Variants in ATP11C observed in about 807,000 individuals in gnomAD.
The protein encoded by ATP11C is phospholipid-transporting ATPase IG.
ATP11C carries 36 observed loss-of-function variants against 97.4 expected under a neutral mutation model. The observed-to-expected ratio is 0.37, with a 90% confidence interval of 0.28 to 0.49. ATP11C has a LOEUF of 0.49. ATP11C is among the 20% of genes least tolerant of loss of function. The pLI is 0.98. For synonymous variants in ATP11C, 275 were observed against 290.9 expected (o/e 0.95, Z 0.56); for missense variants, 730 against 824.6 (o/e 0.89, Z 1.40).
At chrX:139,743,812 C>T (rs1603339031) in intron 25 of ATP11C, among the ~76,000 whole-genome samples, 188 bp from the exon 26 acceptor site, 1 of 111,588 alleles carries the variant, frequency 9.0e-6, no homozygotes, top group East Asian at 2.8e-4. Context: ...ATCCAATTTT[C>T]ACAAAAAGGT....
At chrX:139,907,066 A>G (rs1449823070) in intron 1 of ATP11C, among the ~76,000 whole-genome samples, 2 of 110,751 alleles carry the variant, frequency 1.8e-5, no homozygotes, top group East Asian at 2.9e-4. Context: ...AAAAACTGCA[A>G]CCCTCACCCC....
chrX:139,907,985 G>A (rs1296340308), intron 1 of ATP11C, among the ~76,000 whole-genome samples: 1 of 111,087 alleles, frequency 9.0e-6, no homozygotes, highest in Non-Finnish European at 1.9e-5. Flanking sequence ...TGTCTGGCAT[G>A]TGATAGGATA....
intron 1 of ATP11C, among the ~76,000 whole-genome samples, chrX:139,857,583 T>G (rs2084113276): frequency 9.0e-6 from 1 of 110,720 alleles, no homozygotes; most frequent in Non-Finnish European, 1.9e-5. Context: ...TCTCTTTAAA[T>G]TAGCCAATCG....
chrX:139,896,241 A>C (rs1186315430), intron 1 of ATP11C, among the ~76,000 whole-genome samples: 4 of 110,867 alleles, frequency 3.6e-5, no homozygotes, highest in Non-Finnish European at 7.5e-5. Context: ...TGGATATATG[A>C]TGAGAATGGC....
chrX:139,933,150 AG>A (rs1245893052), upstream of ATP11C: 3 of 101,710 alleles, frequency 2.9e-5, no homozygotes, highest in Admixed American at 1.0e-4. Flanking sequence ...CTCCCGGGGC[AG>A]CCTGGGAGTT....
At chrX:139,784,943 C>T (rs1356970565) in intron 16 of ATP11C, among the ~76,000 whole-genome samples, 1 of 111,732 alleles carries the variant, frequency 8.9e-6, no homozygotes, top group African/African-American at 3.3e-5. Flanking sequence ...ATATAAAAGT[C>T]ATCCTTTCAG....
intron 28 of ATP11C, among the ~76,000 whole-genome samples, chrX:139,734,675 A>G (rs1189859302): frequency 9.0e-6 from 1 of 111,547 alleles, no homozygotes; most frequent in Admixed American, 9.5e-5. Flanking sequence ...TTCACTGTTC[A>G]GTGCTCAATG....
At chrX:139,846,101 G>C (rs2083904163) in intron 1 of ATP11C, among the ~76,000 whole-genome samples, 1 of 112,034 alleles carries the variant, frequency 8.9e-6, no homozygotes, top group South Asian at 3.7e-4. Flanking sequence ...GCCATGCAAT[G>C]CTTGACCTTG....
At chrX:139,928,871 G>A (rs934577268) in intron 1 of ATP11C, among the ~76,000 whole-genome samples, 6 of 111,871 alleles carry the variant, frequency 5.4e-5, no homozygotes, top group African/African-American at 1.9e-4. Flanking sequence ...TCTTGACCAA[G>A]CCCCCAACCT....
At chrX:139,896,613 GAA>G (rs1689987236) in intron 1 of ATP11C, among the ~76,000 whole-genome samples, 1 of 95,711 alleles carries the variant, frequency 1.0e-5, no homozygotes, top group Non-Finnish European at 2.0e-5. Flanking sequence ...CCTTTCTTGA[GAA>G]AGAGTCTCTC....
At chrX:139,854,321 G>T (rs2084054064) in intron 1 of ATP11C, among the ~76,000 whole-genome samples, 1 of 112,328 alleles carries the variant, frequency 8.9e-6, no homozygotes, top group Non-Finnish European at 1.9e-5. Context: ...CAAAAGTAAA[G>T]TTTGCTAAAA....
At chrX:139,855,614 T>G (rs149303430) in intron 1 of ATP11C, among the ~76,000 whole-genome samples, 1 of 112,218 alleles carries the variant, frequency 8.9e-6, no homozygotes, top group South Asian at 3.7e-4. Context: ...CTTTCATCTA[T>G]CTATTACTCT....
At chrX:139,898,433 G>C (rs943584935) in intron 1 of ATP11C, among the ~76,000 whole-genome samples, 3 of 111,530 alleles carry the variant, frequency 2.7e-5, no homozygotes, top group Non-Finnish European at 5.6e-5. Flanking sequence ...TTCTTACCAA[G>C]CAAAGAAATC....
Position 139,826,833 on chromosome X carries a change from A to T in ATP11C, c.28-10T>A, listed in dbSNP as rs1569474181. ...TCTCTTCTCCAGCACACTGACCAAGAGAAAAGGGAAAAAATTCAGTTTTTC... is the reference window on the plus strand; with the variant it reads ...TCTCTTCTCCAGCACACTGACCAAGTGAAAAGGGAAAAAATTCAGTTTTTC... On this transcript the variant is annotated splice_polypyrimidine_tract_variant and intron_variant, in intron 1 of 29. Coordinates refer to ENST00000682941, the MANE Select transcript of ATP11C (RefSeq NM_001353812.2). The T allele has an allele frequency of 3.3e-6, 4 of 1,196,498 alleles. No homozygotes were observed. The highest frequency in any genetic ancestry group is 4.5e-6 in the Non-Finnish European group (4 of 887,311).
intron 1 of ATP11C, among the ~76,000 whole-genome samples, chrX:139,899,462 G>GC (rs1227440779): frequency 9.5e-6 from 1 of 105,515 alleles, no homozygotes; most frequent in African/African-American, 3.5e-5. Flanking sequence ...GGGTGACAGA[G>GC]CAAGACTGCG....
chrX:139,903,113 A>G (rs1175997965), intron 1 of ATP11C, among the ~76,000 whole-genome samples: 2 of 111,890 alleles, frequency 1.8e-5, no homozygotes, highest in Non-Finnish European at 3.8e-5. Flanking sequence ...AGACATTCAT[A>G]TACTATGATG....
At chrX:139,753,392 G>A (rs2081863021) in intron 23 of ATP11C, among the ~76,000 whole-genome samples, 1 of 111,915 alleles carries the variant, frequency 8.9e-6, no homozygotes, top group Non-Finnish European at 1.9e-5. Context: ...ATGAAATTAA[G>A]GCAAAAATCA....
rs1232207492 is a variant in ATP11C, at chrX:139,740,978, T to G, written c.3134+13A>C. On this transcript the variant is annotated intron_variant, in intron 27 of 29. Transcript: ENST00000682941. Reference sequence around the variant, plus strand: ...GCTATTTACATATTGCTCACACATGTACAATTGCTTACCAAATAATTCCTC... The same window carrying G: ...GCTATTTACATATTGCTCACACATGGACAATTGCTTACCAAATAATTCCTC... 2 of 1,083,884 alleles carry G rather than the reference T, an allele frequency of 1.8e-6. No individual in the cohort carries two copies. The highest frequency in any genetic ancestry group is 3.0e-5 in the East Asian group (1 of 33,238). 89.3% of individuals were successfully genotyped at this position (1,083,884 alleles called of 1,213,427 possible). A position where few individuals can be genotyped will look rare whatever the true frequency, so the allele number is the denominator to read the frequency against.
intron 27 of ATP11C, among the ~76,000 whole-genome samples, chrX:139,740,724 A>C (rs1453205419): frequency 9.0e-6 from 1 of 111,270 alleles, no homozygotes; most frequent in Non-Finnish European, 1.9e-5. Flanking sequence ...CACTAGAGAG[A>C]TGTTTACAAC....
Sources: allele counts gnomAD v4.1 joint callset (sites outside exome capture counted in the v4.1 genomes callset), GRCh38; gene constraint gnomAD v4.1.1; transcripts MANE v1.5; gene names NCBI Gene and HGNC (gene_info 2026-07-23, HGNC 2026-07-21).